The following SERPINA6 variants were observed in gnomAD, a reference collection of about 807,000 sequenced individuals.
SERPINA6 encodes the protein corticosteroid-binding globulin.
Under a neutral mutation model 26.4 loss-of-function variants are expected in SERPINA6, and 19 were observed. The observed-to-expected ratio is 0.72, with a 90% confidence interval of 0.50 to 1.06. The LOEUF is 1.06. SERPINA6 is among the 50% of genes least tolerant of loss of function. The pLI is 0.00. For synonymous variants in SERPINA6, 196 were observed against 199.4 expected, an observed-to-expected ratio of 0.98 and a Z score of 0.14; for missense variants, 473 against 504.0, an observed-to-expected ratio of 0.94 and a Z score of 0.59.
chr14:94,310,013 AGAG>A lies in SERPINA6; in HGVS notation c.614-10_614-8del. 1.9e-6 allele frequency: 3 copies of A among 1,613,952 alleles called. No homozygotes were observed. Among genetic ancestry groups the A allele is most frequent in the East Asian group, 2.2e-5 (1 of 44,866 alleles). ...AAGGGCTGTGTCCATGTGCCTAGGA[AGAG>A]GAGGAGACAGGTCTGTAGGGCAGAG... On this transcript the variant is annotated splice_polypyrimidine_tract_variant and splice_region_variant and intron_variant, in intron 2 of 4. Transcript: ENST00000341584.
intron 1 of SERPINA6, among the ~76,000 whole-genome samples, chr14:94,323,031 GC>G (rs1428272789): frequency 6.6e-6 from 1 of 152,186 alleles, no homozygotes; most frequent in African/African-American, 2.4e-5. Flanking sequence ...CTCTGTGTCA[GC>G]CCCCTGCATG....
Position 94,314,256 on chromosome 14 carries a change from C to G in SERPINA6, c.393G>C (p.Leu131Phe). Reference protein sequence around the residue: ...TSLEMTMGNALFLDGSLELLE... With the variant: ...TSLEMTMGNAFFLDGSLELLE... The stretch of plus-strand genomic sequence containing the variant: ...GCAACTCCAGGCTGCCATCAAGAAA[C>G]AAGGCATTGCCCATGGTCATTTCTA... The change falls in exon 2 of 5, where the codon TTG becomes TTC. Residue 131 changes from leucine (L) to phenylalanine (F), a missense_variant. By Grantham distance (22) the Leu-to-Phe change is conservative. Transcript: ENST00000341584. The G allele has an allele frequency of 6.2e-7, 1 of 1,614,204 alleles. No homozygotes were observed.
intron 1 of SERPINA6, among the ~76,000 whole-genome samples, chr14:94,320,704 A>G (rs182729186): frequency 1.3e-5 from 2 of 152,288 alleles, no homozygotes; most frequent in African/African-American, 4.8e-5. Context: ...CCAAAAGCAG[A>G]ATCTCAAGAA....
intron 2 of SERPINA6, among the ~76,000 whole-genome samples, chr14:94,311,095 T>C (rs1486552956): frequency 6.6e-6 from 1 of 152,226 alleles, no homozygotes; most frequent in Non-Finnish European, 1.5e-5. Context: ...AGGGAGAGGC[T>C]GATGGATGTA....
intron 1 of SERPINA6, among the ~76,000 whole-genome samples, chr14:94,322,579 C>T (rs1055668458): frequency 6.6e-6 from 1 of 152,206 alleles, no homozygotes; most frequent in Non-Finnish European, 1.5e-5. Context: ...CAATATTATT[C>T]ATGCATTTCA....
intron 2 of SERPINA6, among the ~76,000 whole-genome samples, chr14:94,313,159 G>A (rs372646513): frequency 1.3e-5 from 2 of 152,170 alleles, no homozygotes; most frequent in Non-Finnish European, 2.9e-5. Flanking sequence ...TTGAAGTGAG[G>A]GAAGATGTTT....
chr14:94,320,064 C>T (rs1895662894), intron 1 of SERPINA6, among the ~76,000 whole-genome samples: 1 of 152,114 alleles, frequency 6.6e-6, no homozygotes, highest in South Asian at 2.1e-4. Context: ...TGGACACTGC[C>T]TGCCTGCAAG....
At chr14:94,307,326 G>A (rs1182826022) in intron 3 of SERPINA6, among the ~76,000 whole-genome samples, 1 of 152,150 alleles carries the variant, frequency 6.6e-6, no homozygotes, top group Non-Finnish European at 1.5e-5. Context: ...AAGAGAGGTT[G>A]AGGAATTCCC....
intron 2 of SERPINA6, among the ~76,000 whole-genome samples, chr14:94,311,060 T>C (rs1378967369): frequency 1.3e-5 from 2 of 152,220 alleles, no homozygotes; most frequent in South Asian, 2.1e-4. Flanking sequence ...ACAAACCTTT[T>C]GTAATAGCTA....
rs1895403524 is a variant in SERPINA6, at chr14:94,304,409, G to C, written c.*9C>G. 2 of 1,613,530 alleles carry C rather than the reference G, an allele frequency of 1.2e-6. No individual in the cohort carries two copies. The highest frequency in any genetic ancestry group is 1.7e-6 in the Non-Finnish European group (2 of 1,179,594). On this transcript the variant is annotated 3_prime_UTR_variant, in exon 5 of 5. Coordinates refer to ENST00000341584, the MANE Select transcript of SERPINA6 (RefSeq NM_001756.4). ...TCAGACAGTGCTGAGGCTCTGGGTG[G>C]GTGGTCTCTTACACTGGGTTCATAA...
rs926920050 is a variant in SERPINA6, at chr14:94,314,700, G to A, written c.-19-33C>T. ...ATCAGAAAAGCTTGTTAGATGCTGT[G>A]GCAGTCTCTGAGTCAATGGGGCGTA... On this transcript the variant is annotated intron_variant, in intron 1 of 4. Transcript: ENST00000341584. The A allele has an allele frequency of 1.1e-5, 18 of 1,599,522 alleles. No homozygotes were observed. In the African/African-American group the frequency reaches 1.2e-4, roughly 11 times the overall value.
At chr14:94,311,586 A>G (rs1042254748) in intron 2 of SERPINA6, among the ~76,000 whole-genome samples, 2 of 152,104 alleles carry the variant, frequency 1.3e-5, no homozygotes, top group African/African-American at 2.4e-5. Flanking sequence ...CTCCTCTGGA[A>G]AATCTTTTAA....
intron 1 of SERPINA6, among the ~76,000 whole-genome samples, chr14:94,318,847 G>T (rs1239152521): frequency 1.3e-5 from 2 of 152,008 alleles, no homozygotes; most frequent in Non-Finnish European, 2.9e-5. Flanking sequence ...TTCATCAAAG[G>T]ATACTATCAA....
At chr14:94,313,372 C>G (rs1041534084) in intron 2 of SERPINA6, among the ~76,000 whole-genome samples, 1 of 152,204 alleles carries the variant, frequency 6.6e-6, no homozygotes, top group Non-Finnish European at 1.5e-5. Context: ...GCAGCCTATT[C>G]TGGATCACCC....
chr14:94,311,609 T>A (rs2139720171), intron 2 of SERPINA6, among the ~76,000 whole-genome samples: 1 of 152,148 alleles, frequency 6.6e-6, no homozygotes, highest in East Asian at 1.9e-4. Context: ...ATATTTTTAA[T>A]GTTATTAAAA....
Position 94,314,407 on chromosome 14 carries a change from G to A in SERPINA6, c.242C>T (p.Thr81Ile). The change falls in exon 2 of 5, where the codon ACC (threonine) becomes ATC (isoleucine). Residue 81 changes from threonine (T) to isoleucine (I), a missense_variant. Thr to Ile is a moderately conservative substitution (Grantham distance 89). Coordinates refer to ENST00000341584, the MANE Select transcript of SERPINA6 (RefSeq NM_001756.4). ...AAGCTGGGCCCGTGTGTGGCCACAG[G>A]TGCCCAGGGACAGCATAGCTAAGGC... ...SMALAMLSLG[T>I]CGHTRAQLLQ... 1 of 1,614,202 alleles carries A rather than the reference G, an allele frequency of 6.2e-7. No individual in the cohort carries two copies. Among genetic ancestry groups the A allele is most frequent in the African/African-American group, 1.3e-5 (1 of 75,050 alleles).
intron 1 of SERPINA6, among the ~76,000 whole-genome samples, chr14:94,316,347 G>A (rs1242961945): frequency 6.6e-6 from 1 of 152,144 alleles, no homozygotes; most frequent in Non-Finnish European, 1.5e-5. Flanking sequence ...TTGTTGTAGG[G>A]TGTTCTGTAT....
At chr14:94,312,213 G>T (rs1159854929) in intron 2 of SERPINA6, among the ~76,000 whole-genome samples, 2 of 152,160 alleles carry the variant, frequency 1.3e-5, no homozygotes, top group African/African-American at 4.8e-5. Flanking sequence ...CTCTGATTTT[G>T]TAACCTAAAG....
At chr14:94,312,903 T>C (rs1277847098) in intron 2 of SERPINA6, among the ~76,000 whole-genome samples, 1 of 152,202 alleles carries the variant, frequency 6.6e-6, no homozygotes, top group East Asian at 1.9e-4. Flanking sequence ...TCTGATGATC[T>C]TGTCGAGAGA....
Sources: gnomAD v4.1 joint callset for allele counts (sites outside exome capture counted in the v4.1 genomes callset) on GRCh38, gnomAD v4.1.1 for gene constraint, MANE v1.5 for transcripts, NCBI Gene and HGNC (gene_info 2026-07-23, HGNC 2026-07-21) for gene names.